The following COL14A1 variants were observed in gnomAD, a reference collection of about 807,000 sequenced individuals.
The protein encoded by COL14A1 is collagen alpha-1(XIV) chain.
COL14A1 carries 136 observed loss-of-function variants against 230.3 expected under a neutral mutation model. That is an observed-to-expected ratio of 0.59 (90% CI 0.51 to 0.68). COL14A1 has a LOEUF of 0.68. Among genes scored for constraint, COL14A1 ranks in the 30% least tolerant of loss-of-function variants. The pLI is 0.00. For synonymous variants in COL14A1, 792 were observed against 784.1 expected, an observed-to-expected ratio of 1.01 and a Z score of -0.17; for missense variants, 1,976 against 2,215.8, an observed-to-expected ratio of 0.89 and a Z score of 2.17.
intron 26 of COL14A1, among the ~76,000 whole-genome samples, chr8:120,272,173 G>T (rs1183330330): frequency 6.6e-6 from 1 of 151,678 alleles, no homozygotes; most frequent in Non-Finnish European, 1.5e-5. Context: ...TGTCAGCCAA[G>T]AATTCTGAAT....
intron 41 of COL14A1, among the ~76,000 whole-genome samples, chr8:120,332,440 C>A (rs1262057770): frequency 6.6e-6 from 1 of 152,130 alleles, no homozygotes; most frequent in Non-Finnish European, 1.5e-5. Flanking sequence ...TATTAAATCA[C>A]AACTAAGGCT....
At chr8:120,358,158 T>C (rs1321669319) in intron 45 of COL14A1, among the ~76,000 whole-genome samples, 1 of 152,180 alleles carries the variant, frequency 6.6e-6, no homozygotes, top group Admixed American at 6.5e-5. Context: ...TTTAAAACCT[T>C]AATTGAAAAG....
chr8:120,303,450 G>T (rs1183537112), intron 36 of COL14A1, among the ~76,000 whole-genome samples: 23 of 152,126 alleles, frequency 1.5e-4, no homozygotes, highest in Non-Finnish European at 1.5e-5. Flanking sequence ...TAACATGAAG[G>T]ATGTTGAATT....
chr8:120,242,845 C>T (rs1302190453), intron 19 of COL14A1, among the ~76,000 whole-genome samples: 1 of 152,144 alleles, frequency 6.6e-6, no homozygotes, highest in Admixed American at 6.6e-5. Context: ...CTTCTGGGTT[C>T]AACTCGAGGC....
intron 25 of COL14A1, 40 bp downstream of exon 25, chr8:120,266,923 G>A (rs199514317): frequency 1.6e-5 from 24 of 1,543,972 alleles, no homozygotes; most frequent in East Asian, 2.2e-5. Flanking sequence ...TCTAGGTTTA[G>A]GATTTGTGTT....
intron 35 of COL14A1, among the ~76,000 whole-genome samples, chr8:120,299,464 A>G (rs1820644404): frequency 6.6e-6 from 1 of 152,082 alleles, no homozygotes; most frequent in Non-Finnish European, 1.5e-5. Flanking sequence ...TATCAAGCAA[A>G]GATGTGATCA....
At chr8:120,219,661 G>A (rs897206159) in intron 14 of COL14A1, among the ~76,000 whole-genome samples, 1 of 152,102 alleles carries the variant, frequency 6.6e-6, no homozygotes, top group Admixed American at 6.5e-5. Context: ...AGCAACATAT[G>A]AATCTTCAGG....
chr8:120,320,651 T>A (rs1821405204), intron 40 of COL14A1, among the ~76,000 whole-genome samples: 1 of 152,208 alleles, frequency 6.6e-6, no homozygotes. Flanking sequence ...CTTGAGCATC[T>A]TCCTCCTTCT....
intron 31 of COL14A1, among the ~76,000 whole-genome samples, chr8:120,281,586 GATACTT>G (rs1193665723): frequency 1.4e-5 from 2 of 140,872 alleles, no homozygotes; most frequent in African/African-American, 2.6e-5. Context: ...AAAAAAAGTT[GATACTT>G]ATATAGCACT....
At chr8:120,167,717 A>G (rs1333816511) in intron 4 of COL14A1, among the ~76,000 whole-genome samples, 1 of 152,158 alleles carries the variant, frequency 6.6e-6, no homozygotes, top group East Asian at 1.9e-4. Context: ...AAATGAGGCT[A>G]TTCATGGTTA....
chr8:120,145,675 T>A lies in COL14A1; in HGVS notation c.-37-2131T>A, dbSNP rs576897461. Among the ~76,000 whole-genome samples the A allele has an allele frequency of 2.3e-3, 349 of 152,216 alleles. 2 individuals carry two copies. Among genetic ancestry groups the A allele is most frequent in the African/African-American group, 8.0e-3 (334 of 41,534 alleles). ...CTTGTTTTGCCTAGCAGTTCTACAA[T>A]TGGGAATTTAGCCAAAGTAAATAAA... On this transcript the variant is annotated intron_variant, in intron 1 of 47. Transcript: ENST00000297848.
intron 2 of COL14A1, among the ~76,000 whole-genome samples, chr8:120,153,408 C>T (rs1239175125): frequency 2.0e-5 from 3 of 152,116 alleles, no homozygotes; most frequent in Admixed American, 2.0e-4. Context: ...TGGTCTCAAA[C>T]TCCTGGGCTC....
chr8:120,161,437 C>T (rs1390171586), intron 3 of COL14A1, among the ~76,000 whole-genome samples: 1 of 152,158 alleles, frequency 6.6e-6, no homozygotes, highest in Non-Finnish European at 1.5e-5. Context: ...CCTTAGATGT[C>T]AGTGTAACCT....
chr8:120,231,712 T>C (rs953778245), intron 19 of COL14A1, 94 bp downstream of exon 19: 27 of 1,288,952 alleles, frequency 2.1e-5, no homozygotes, highest in East Asian at 5.0e-5. Context: ...TTTACTGCTC[T>C]TTTCTCAGTG....
chr8:120,229,744 C>T (rs2130812939), intron 18 of COL14A1, among the ~76,000 whole-genome samples: 1 of 152,276 alleles, frequency 6.6e-6, no homozygotes, highest in Middle Eastern at 3.4e-3. Flanking sequence ...TAAAAGTGTT[C>T]CTATTTCTCC....
In COL14A1 at chr8:120,262,897, G is replaced by A. The variant is rs1458945674; in HGVS notation, c.2899G>A (p.Gly967Arg). Residue 967 changes from glycine (G) to arginine (R), a missense_variant, in exon 24 of 48, where the codon GGA (glycine) becomes AGA (arginine). Physicochemically the swap from Gly to Arg is moderately radical, Grantham distance 125. Coordinates refer to ENST00000297848, the MANE Select transcript of COL14A1 (RefSeq NM_021110.4). Reference protein sequence around the residue: ...DRQKQESTVGGGTTRHCFYGL... With the variant: ...DRQKQESTVGRGTTRHCFYGL... ...GCAAAAGCAAGAATCCACTGTGGGT[G>A]GAGGGACAACCAGGCATTGCTTCTA... 2 of 1,613,132 alleles carry A rather than the reference G, an allele frequency of 1.2e-6. No individual in the cohort carries two copies. The highest frequency in any genetic ancestry group is 8.5e-7 in the Non-Finnish European group (1 of 1,179,688).
chr8:120,137,304 C>A (rs1413451333), intron 1 of COL14A1, among the ~76,000 whole-genome samples: 2 of 152,046 alleles, frequency 1.3e-5, no homozygotes, highest in Admixed American at 6.6e-5. Context: ...GTGAAGTAGG[C>A]AGTTATATCC....
chr8:120,247,902 T>C lies in COL14A1; in HGVS notation c.2602+167T>C, dbSNP rs112637239. Among the ~76,000 whole-genome samples the C allele has an allele frequency of 2.0e-3, 304 of 152,250 alleles. 1 individual carries two copies. The highest frequency in any genetic ancestry group is 6.9e-3 in the African/African-American group (287 of 41,522). On this transcript the variant is annotated intron_variant, in intron 21 of 47. Transcript: ENST00000297848. ...AAATAAAGTGTTTTAGTATGGTCAGTGATAGGGTAGATATTATCAGGATGA... is the reference window on the plus strand; with the variant it reads ...AAATAAAGTGTTTTAGTATGGTCAGCGATAGGGTAGATATTATCAGGATGA...
chr8:120,216,385 C>T lies in COL14A1; in HGVS notation c.1632C>T (p.Ser544=), dbSNP rs1187019628. Residue 544 remains serine, a synonymous_variant, in exon 14 of 48, where the codon TCC becomes TCT. Coordinates refer to ENST00000297848, the MANE Select transcript of COL14A1 (RefSeq NM_021110.4). ...GTCCACCAAGAAACCTGAGAATCTC[C>T]AATGTTGGCTCTAACAGTGCTCGAT... ...ALSPPRNLRI[S]NVGSNSARLT... is the part of the protein sequence containing the mutation. The T allele has an allele frequency of 2.5e-6, 4 of 1,612,952 alleles. No homozygotes were observed. Among genetic ancestry groups the T allele is most frequent in the Admixed American group, 3.3e-5 (2 of 59,794 alleles).
Sources: allele counts gnomAD v4.1 joint callset (sites outside exome capture counted in the v4.1 genomes callset), GRCh38; gene constraint gnomAD v4.1.1; transcripts MANE v1.5; gene names NCBI Gene and HGNC (gene_info 2026-07-23, HGNC 2026-07-21).